CSMD1: variants seen among roughly 807,000 people sequenced by gnomAD.
The protein encoded by CSMD1 is CUB and Sushi multiple domains 1.
CSMD1 carries 213 observed loss-of-function variants against 417.5 expected under a neutral mutation model. The observed-to-expected ratio is 0.51, with a 90% CI of 0.46 to 0.57. The LOEUF (loss-of-function observed/expected upper bound fraction) is 0.57. Ranked by LOEUF, CSMD1 falls within the 20% of genes least tolerant of loss-of-function variation. The pLI, the probability that CSMD1 is intolerant of heterozygous loss-of-function variation, is 0.00. For synonymous variants in CSMD1, 2,862 were observed against 1,736.8 expected (o/e 1.65, Z -16.11); for missense variants, 6,923 against 4,529.7 (o/e 1.53, Z -15.17).
At chr8:4,083,362 C>G (rs1172671197) in intron 3 of CSMD1, among the ~76,000 whole-genome samples, 1 of 152,102 alleles carries the variant, frequency 6.6e-6, no homozygotes, top group African/African-American at 2.4e-5. Context: ...TCTCTGATGG[C>G]CAGTGATGGT....
At chr8:4,853,357 G>C (rs1224848389) in intron 1 of CSMD1, among the ~76,000 whole-genome samples, 2 of 152,182 alleles carry the variant, frequency 1.3e-5, no homozygotes, top group African/African-American at 4.8e-5. Flanking sequence ...CATCCCCACT[G>C]CTCCAGCTCT....
intron 1 of CSMD1, among the ~76,000 whole-genome samples, chr8:4,766,015 A>G (rs1490288824): frequency 6.6e-6 from 1 of 152,222 alleles, no homozygotes; most frequent in Non-Finnish European, 1.5e-5. Flanking sequence ...ATTCAAATAT[A>G]TATTTTTTAA....
At chr8:4,061,776 A>C (rs1378770427) in intron 3 of CSMD1, among the ~76,000 whole-genome samples, 1 of 152,246 alleles carries the variant, frequency 6.6e-6, no homozygotes. Context: ...GTACCTAAAA[A>C]GGAGTTCTCC....
intron 5 of CSMD1, among the ~76,000 whole-genome samples, chr8:3,825,549 T>C (rs1346699218): frequency 6.6e-6 from 1 of 150,572 alleles, no homozygotes; most frequent in Admixed American, 6.7e-5. Context: ...GGTTCAGGGG[T>C]GTGGGGCTGA....
At chr8:3,270,884 A>G (rs991397862) in intron 26 of CSMD1, among the ~76,000 whole-genome samples, 11 of 151,028 alleles carry the variant, frequency 7.3e-5, no homozygotes, top group Non-Finnish European at 1.5e-4. Flanking sequence ...GGCAGAAGGT[A>G]AGCAGGAGCA....
chr8:4,648,442 G>C (rs1483497029), intron 1 of CSMD1, among the ~76,000 whole-genome samples: 1 of 152,074 alleles, frequency 6.6e-6, no homozygotes, highest in Non-Finnish European at 1.5e-5. Context: ...CACACCACAA[G>C]GGCATGAAAT....
At chr8:3,628,261 A>AC (rs1796592582) in intron 7 of CSMD1, among the ~76,000 whole-genome samples, 1 of 152,088 alleles carries the variant, frequency 6.6e-6, no homozygotes, top group Non-Finnish European at 1.5e-5. Flanking sequence ...TTCTTTCTTT[A>AC]AAGAGAAAAA....
chr8:4,400,524 G>T (rs957292712), intron 3 of CSMD1, among the ~76,000 whole-genome samples: 7 of 152,306 alleles, frequency 4.6e-5, no homozygotes, highest in Admixed American at 3.3e-4. Flanking sequence ...AATAAAAATT[G>T]CCCTCTATGC....
chr8:3,136,771 G>A (rs929158546), intron 41 of CSMD1, among the ~76,000 whole-genome samples: 1 of 152,110 alleles, frequency 6.6e-6, no homozygotes, highest in Non-Finnish European at 1.5e-5. Flanking sequence ...CCATCCCTGG[G>A]TAACTGATAC....
At chr8:4,906,794 G>A (rs564858306) in intron 1 of CSMD1, among the ~76,000 whole-genome samples, 2 of 152,264 alleles carry the variant, frequency 1.3e-5, no homozygotes, top group East Asian at 3.9e-4. Flanking sequence ...TCTTGACCTC[G>A]TGATCTGCCT....
chr8:4,028,721 A>G (rs904320564), intron 4 of CSMD1, among the ~76,000 whole-genome samples: 1 of 152,192 alleles, frequency 6.6e-6, no homozygotes. Flanking sequence ...TACCTTTTAA[A>G]TGAGTGTTAA....
At chr8:4,101,022 G>T (rs1260299845) in intron 3 of CSMD1, among the ~76,000 whole-genome samples, 1 of 152,126 alleles carries the variant, frequency 6.6e-6, no homozygotes, top group Non-Finnish European at 1.5e-5. Context: ...AATCCACGCA[G>T]CCTGTGATTG....
chr8:4,519,967 C>T (rs1381572428), intron 2 of CSMD1, among the ~76,000 whole-genome samples: 1 of 149,632 alleles, frequency 6.7e-6, no homozygotes, highest in African/African-American at 2.5e-5. Flanking sequence ...GGTGTGTATA[C>T]ATTTTTCATT....
At chr8:4,143,003 A>AAT (rs34949025) in intron 3 of CSMD1, among the ~76,000 whole-genome samples, 43,722 of 150,010 alleles carry the variant, frequency 0.29, 8,034 homozygotes, top group Non-Finnish European at 0.38. Context: ...AAAAAAAAAA[A>AAT]TGCTCTCCAT....
At chr8:3,879,113 C>G (rs1228784831) in intron 5 of CSMD1, among the ~76,000 whole-genome samples, 5 of 152,082 alleles carry the variant, frequency 3.3e-5, no homozygotes, top group Non-Finnish European at 7.4e-5. Flanking sequence ...CTTCTTGAAT[C>G]TTAGGTGTTC....
chr8:4,887,653 T>A (rs997105871), intron 1 of CSMD1, among the ~76,000 whole-genome samples: 9 of 152,138 alleles, frequency 5.9e-5, no homozygotes, highest in South Asian at 4.1e-4. Context: ...ATTCTACTGG[T>A]TTTGCTTTAT....
intron 26 of CSMD1, among the ~76,000 whole-genome samples, chr8:3,249,597 A>AAC (rs1328251672): frequency 1.3e-5 from 2 of 150,134 alleles, no homozygotes; most frequent in Non-Finnish European, 3.0e-5. Context: ...CAATCGTATA[A>AAC]ATACACACAC....
chr8:3,121,790 T>C (rs1817225153), intron 41 of CSMD1, among the ~76,000 whole-genome samples: 1 of 151,894 alleles, frequency 6.6e-6, no homozygotes, highest in African/African-American at 2.4e-5. Context: ...CAGAGCAGGA[T>C]CCTGTCTCAT....
At chr8:3,249,095 A>C (rs1267862903) in intron 26 of CSMD1, among the ~76,000 whole-genome samples, 2 of 152,170 alleles carry the variant, frequency 1.3e-5, no homozygotes, top group East Asian at 1.9e-4. Context: ...TGTCGAATGA[A>C]GTGTTTAAAG....
Sources: allele counts gnomAD v4.1 joint callset (sites outside exome capture counted in the v4.1 genomes callset), GRCh38; gene constraint gnomAD v4.1.1; transcripts MANE v1.5; gene names NCBI Gene and HGNC (gene_info 2026-07-23, HGNC 2026-07-21).